CSRP2: variants seen among roughly 807,000 people sequenced by gnomAD.
The protein encoded by CSRP2 is cysteine and glycine-rich protein 2.
Under a neutral mutation model 24.6 loss-of-function variants are expected in CSRP2, and 18 were observed. The ratio of observed to expected loss-of-function variants is 0.73; its 90% CI spans 0.51 to 1.09. CSRP2 has a LOEUF of 1.09. CSRP2 is among the 50% of genes least tolerant of loss of function. The probability of loss-of-function intolerance (pLI) is 0.00; values close to 1 mark genes in which losing one functional copy is unlikely to be tolerated. For synonymous variants in CSRP2, 87 were observed against 84.3 expected, an observed-to-expected ratio of 1.03 and a Z score of -0.18; for missense variants, 215 against 239.4, an observed-to-expected ratio of 0.90 and a Z score of 0.67.
intron 1 of CSRP2, among the ~76,000 whole-genome samples, chr12:76,870,323 T>C (rs1953784257): frequency 6.6e-6 from 1 of 152,246 alleles, no homozygotes; most frequent in East Asian, 1.9e-4. Flanking sequence ...TTCTCTTCCA[T>C]ACCATTGAAG....
chr12:76,861,995 A>C (rs1345071077), intron 3 of CSRP2: 5 of 152,212 alleles, frequency 3.3e-5, no homozygotes, highest in African/African-American at 9.6e-5. Context: ...GACTTTGGGC[A>C]AAGTTTTTAC....
chr12:76,867,701 T>A (rs776365469), intron 1 of CSRP2, among the ~76,000 whole-genome samples: 53 of 152,202 alleles, frequency 3.5e-4, no homozygotes, highest in Middle Eastern at 3.2e-3. Context: ...AGCCCTTGCC[T>A]GTTAGGTCTC....
Position 76,860,336 on chromosome 12 carries a change from G to A in CSRP2, c.359C>T (p.Ser120Phe), listed in dbSNP as rs763949587. 5.6e-6 allele frequency: 9 copies of A among 1,613,984 alleles called. No individual in the cohort carries two copies. The highest frequency in any genetic ancestry group is 5.0e-5 in the Admixed American group (3 of 59,994). ...AGCATATACAGAATCCCCACATCTG[G>A]AACACTTCTCAGCACCTCCATATTT... The part of the protein sequence containing the change: ...AQKYGGAEKC[S>F]RCGDSVYAAE... The change falls in exon 4 of 6, where the codon TCC becomes TTC. Residue 120 changes from serine to phenylalanine, a missense_variant. Coordinates refer to ENST00000311083, the MANE Select transcript of CSRP2 (RefSeq NM_001321.3).
At chr12:76,875,470 G>A (rs1953843922) in intron 1 of CSRP2, among the ~76,000 whole-genome samples, 1 of 152,158 alleles carries the variant, frequency 6.6e-6, no homozygotes, top group Non-Finnish European at 1.5e-5. Context: ...TATAAGCTCA[G>A]TAACCCTGAT....
At chr12:76,864,694 G>T (rs1275251405) in intron 2 of CSRP2, 1 of 152,132 alleles carries the variant, frequency 6.6e-6, no homozygotes, top group African/African-American at 2.4e-5. Context: ...CAGCAAAGAG[G>T]AGGGGAGGGA....
At chr12:76,874,633 G>A (rs1260122049) in intron 1 of CSRP2, among the ~76,000 whole-genome samples, 10 of 152,308 alleles carry the variant, frequency 6.6e-5, no homozygotes, top group African/African-American at 2.2e-4. Flanking sequence ...CGATGGCTGT[G>A]TTTTGTGTTC....
chr12:76,859,919 A>G (rs1333834586), intron 4 of CSRP2, among the ~76,000 whole-genome samples: 1 of 152,202 alleles, frequency 6.6e-6, no homozygotes, highest in Non-Finnish European at 1.5e-5. Flanking sequence ...GCGCAGCTCA[A>G]AGAGGTTAGC....
intron 3 of CSRP2, chr12:76,862,038 AAG>A (rs1352742196): frequency 5.9e-5 from 9 of 152,206 alleles, no homozygotes; most frequent in African/African-American, 2.2e-4. Flanking sequence ...GTTCTGAAGA[AAG>A]AGAGGAAGCC....
At position 76,858,976 on chromosome 12, in the gene CSRP2, T is replaced by G; in HGVS notation, c.558A>C (p.Ala186=). Residue 186 remains alanine, a synonymous_variant, in exon 6 of 6, where the codon GCA becomes GCC. Transcript: ENST00000311083. ...GPKGFGYGQG[A]GALVHAQ is the part of the protein sequence containing the mutation. ...CTTACTGGGCATGAACAAGAGCCCC[T>G]GCTCCTTGGCCATAGCCAAATCCCT... 6.2e-7 allele frequency: 1 copy of G among 1,614,222 alleles called. No homozygotes were observed. The highest frequency in any genetic ancestry group is 8.5e-7 in the Non-Finnish European group (1 of 1,180,014).
At chr12:76,871,120 C>T (rs754302499) in intron 1 of CSRP2, among the ~76,000 whole-genome samples, 5 of 151,984 alleles carry the variant, frequency 3.3e-5, no homozygotes, top group Non-Finnish European at 7.3e-5. Context: ...TGGATTAACT[C>T]CACCGTTATA....
chr12:76,860,531 C>T, intron 3 of CSRP2, 118 bp from the exon 4 acceptor site: 19 of 1,215,094 alleles, frequency 1.6e-5, no homozygotes, highest in East Asian at 2.4e-5. Context: ...AAGCTGGAAG[C>T]CTTTGCAGGC....
intron 3 of CSRP2, 131 bp downstream of exon 3, chr12:76,863,045 T>C: frequency 6.9e-7 from 1 of 1,444,298 alleles, no homozygotes. Context: ...TAGTTGACAT[T>C]AGAAAATCAG....
chr12:76,861,105 T>C (rs1166327816), intron 3 of CSRP2: 2 of 152,116 alleles, frequency 1.3e-5, no homozygotes, highest in Non-Finnish European at 2.9e-5. Context: ...AGGAACTGTT[T>C]CCATTCAGTA....
intron 2 of CSRP2, chr12:76,863,643 G>A (rs10219621): frequency 0.62 from 154,901 of 249,034 alleles, 48,511 homozygotes; most frequent in East Asian, 0.71. Flanking sequence ...TCCCTTTCCT[G>A]TGGTGCTGAT....
intron 1 of CSRP2, among the ~76,000 whole-genome samples, chr12:76,868,760 C>T (rs1253933188): frequency 6.6e-6 from 1 of 151,862 alleles, no homozygotes; most frequent in African/African-American, 2.4e-5. Context: ...GGTGAAACCC[C>T]GTCTCTACTA....
intron 3 of CSRP2, chr12:76,862,547 GAAAA>G (rs1235005878): frequency 1.0e-5 from 3 of 295,164 alleles, no homozygotes; most frequent in Non-Finnish European, 1.1e-5. Flanking sequence ...TGACAAAAAA[GAAAA>G]AAAAAAGTGT....
chr12:76,877,992 T>G (rs1195171138), intron 1 of CSRP2, among the ~76,000 whole-genome samples: 1 of 108,134 alleles, frequency 9.2e-6, no homozygotes, highest in African/African-American at 3.6e-5. Context: ...AAAAATTCTG[T>G]ACCGAAAAGC....
intron 1 of CSRP2, among the ~76,000 whole-genome samples, chr12:76,870,882 AG>A (rs372639069): frequency 6.3e-4 from 91 of 143,874 alleles, no homozygotes; most frequent in African/African-American, 2.3e-3. Flanking sequence ...CTGAAGTGGG[AG>A]GATTGCTTGT....
intron 3 of CSRP2, chr12:76,862,781 T>C (rs1213039425): frequency 7.2e-7 from 1 of 1,392,616 alleles, no homozygotes; most frequent in South Asian, 1.7e-5. Flanking sequence ...ATAGAAGGAG[T>C]GACTTAGGAA....
Sources: allele counts gnomAD v4.1 joint callset (sites outside exome capture counted in the v4.1 genomes callset), GRCh38; gene constraint gnomAD v4.1.1; transcripts MANE v1.5; gene names NCBI Gene and HGNC (gene_info 2026-07-23, HGNC 2026-07-21).